CNTNAP5: variants seen among roughly 807,000 people sequenced by gnomAD.
CNTNAP5 encodes the protein contactin associated protein family member 5.
A neutral mutation model predicts 150.2 loss-of-function variants in CNTNAP5; 72 were observed. That is an observed-to-expected ratio of 0.48 (90% CI 0.40 to 0.58). CNTNAP5 has a LOEUF of 0.58. Among genes scored for constraint, CNTNAP5 ranks in the 20% least tolerant of loss-of-function variants. CNTNAP5 has a pLI of 0.00. For synonymous variants in CNTNAP5, 672 were observed against 619.8 expected (o/e 1.08, Z -1.25); for missense variants, 1,636 against 1,626.2 (o/e 1.01, Z -0.10).
At chr2:124,506,815 C>T in intron 8 of CNTNAP5, among the ~76,000 whole-genome samples, 1 of 152,074 alleles carries the variant, frequency 6.6e-6, no homozygotes. Context: ...CTCAGAGTCT[C>T]CCATAAGGTC....
intron 19 of CNTNAP5, among the ~76,000 whole-genome samples, chr2:124,862,870 G>A (rs984853557): frequency 1.3e-5 from 2 of 152,192 alleles, no homozygotes; most frequent in African/African-American, 4.8e-5. Flanking sequence ...TACTTTAAGA[G>A]GCACTGATTG....
chr2:124,445,688 A>G lies in CNTNAP5; in HGVS notation c.734-1065A>G, dbSNP rs182863040. 1.6e-4 allele frequency among the ~76,000 whole-genome samples: 24 copies of G among 152,314 alleles called. 1 individual carries two copies. Among genetic ancestry groups the G allele is most frequent in the Admixed American group, 1.6e-3 (24 of 15,306 alleles). Reference sequence around the variant, plus strand: ...GGGAAGTGGCAGCTACCGCCTGCTGAATGTCACACGGTTGAACAGGCTGCT... The same window carrying G: ...GGGAAGTGGCAGCTACCGCCTGCTGGATGTCACACGGTTGAACAGGCTGCT... On this transcript the variant is annotated intron_variant, in intron 5 of 23. Transcript: ENST00000682447.
chr2:124,745,274 T>C (rs1037765465), intron 13 of CNTNAP5, among the ~76,000 whole-genome samples: 31 of 152,312 alleles, frequency 2.0e-4, no homozygotes, highest in African/African-American at 7.2e-4. Context: ...ATAAACAAAG[T>C]ATCTCTTGCT....
At position 124,906,284 on chromosome 2, in the gene CNTNAP5, T is replaced by C. The variant is rs1194574916; in HGVS notation, c.3655+3184T>C. Among the ~76,000 whole-genome samples, 3 of 152,282 alleles carry C rather than the reference T, an allele frequency of 2.0e-5. No individual in the cohort carries two copies. The East Asian group carries it at 5.8e-4, about 29-fold the overall frequency. On this transcript the variant is annotated intron_variant, in intron 22 of 23. Transcript: ENST00000682447. Reference sequence around the variant, plus strand: ...ATGCTTTTTCTAAATCCATGGGATATATATTTTGTTCAGATTTTGCTGCTA... The same window carrying C: ...ATGCTTTTTCTAAATCCATGGGATACATATTTTGTTCAGATTTTGCTGCTA...
At chr2:124,231,019 G>T (rs1422163452) in intron 2 of CNTNAP5, among the ~76,000 whole-genome samples, 1 of 152,042 alleles carries the variant, frequency 6.6e-6, no homozygotes, top group Non-Finnish European at 1.5e-5. Context: ...CTTCCCAGTC[G>T]AATTGTGTAT....
intron 1 of CNTNAP5, among the ~76,000 whole-genome samples, chr2:124,045,324 A>T (rs567334348): frequency 7.0e-6 from 1 of 143,750 alleles, no homozygotes. Flanking sequence ...TTTGAGATGG[A>T]ATCTAGCTCT....
At chr2:124,812,962 A>C (rs149913597) in intron 19 of CNTNAP5, among the ~76,000 whole-genome samples, 2 of 152,206 alleles carry the variant, frequency 1.3e-5, no homozygotes, top group Non-Finnish European at 2.9e-5. Flanking sequence ...CCCTTACAAG[A>C]GCATTGGAGC....
intron 13 of CNTNAP5, among the ~76,000 whole-genome samples, chr2:124,741,053 G>A (rs919217993): frequency 6.6e-6 from 1 of 152,164 alleles, no homozygotes; most frequent in African/African-American, 2.4e-5. Flanking sequence ...TTGCTCATCA[G>A]TGCAGCAAAT....
intron 4 of CNTNAP5, among the ~76,000 whole-genome samples, chr2:124,419,958 T>TC (rs1692051159): frequency 7.7e-5 from 3 of 39,054 alleles, no homozygotes; most frequent in African/African-American, 3.2e-4. Context: ...CTTTCTTTCC[T>TC]TTTCTCTCTC....
At chr2:124,845,133 TTATGTAAAGG>T (rs1235975997) in intron 19 of CNTNAP5, among the ~76,000 whole-genome samples, 2 of 152,144 alleles carry the variant, frequency 1.3e-5, no homozygotes, top group East Asian at 3.9e-4. Context: ...ATGGCTTTTA[TTATGTAAAGG>T]TATGTCTCCT....
chr2:124,511,931 T>G (rs2104872885), intron 8 of CNTNAP5, among the ~76,000 whole-genome samples: 1 of 149,562 alleles, frequency 6.7e-6, no homozygotes, highest in Non-Finnish European at 1.5e-5. Flanking sequence ...GAATAGGGTT[T>G]TTTTTTTTTT....
At chr2:124,334,821 AT>A (rs940522757) in intron 3 of CNTNAP5, among the ~76,000 whole-genome samples, 10 of 149,930 alleles carry the variant, frequency 6.7e-5, no homozygotes, top group South Asian at 4.2e-4. Context: ...GAGTTGTCTA[AT>A]TTTTTTTTTC....
At chr2:124,370,723 G>C (rs1000706904) in intron 3 of CNTNAP5, among the ~76,000 whole-genome samples, 1 of 152,136 alleles carries the variant, frequency 6.6e-6, no homozygotes, top group African/African-American at 2.4e-5. Context: ...CTCTTGGCTG[G>C]AGATTGAGTG....
intron 8 of CNTNAP5, among the ~76,000 whole-genome samples, chr2:124,510,273 C>CTATATCTATATATATATATATCTA (rs1553474633): frequency 2.9e-5 from 1 of 33,918 alleles, no homozygotes; most frequent in African/African-American, 8.7e-5. Flanking sequence ...ATCTATATAT[C>CTATATCTATATATATATATATCTA]TATATCTATA....
intron 1 of CNTNAP5, among the ~76,000 whole-genome samples, chr2:124,088,105 A>T (rs888823259): frequency 6.6e-6 from 1 of 152,124 alleles, no homozygotes; most frequent in East Asian, 1.9e-4. Flanking sequence ...CCAGTCACTG[A>T]AGTTCTATTA....
chr2:124,250,222 C>T (rs368967800), intron 3 of CNTNAP5, among the ~76,000 whole-genome samples: 9 of 152,136 alleles, frequency 5.9e-5, no homozygotes, highest in East Asian at 1.9e-4. Flanking sequence ...TACTGGGCTC[C>T]GCCTGCAGAA....
At chr2:124,823,409 C>T (rs918769365) in intron 19 of CNTNAP5, among the ~76,000 whole-genome samples, 1 of 152,178 alleles carries the variant, frequency 6.6e-6, no homozygotes, top group Admixed American at 6.5e-5. Flanking sequence ...TTACCATTCA[C>T]ACATTTCACC....
At chr2:124,656,449 G>A (rs1678459692) in intron 13 of CNTNAP5, among the ~76,000 whole-genome samples, 1 of 152,184 alleles carries the variant, frequency 6.6e-6, no homozygotes, top group African/African-American at 2.4e-5. Context: ...AATCAAGCCA[G>A]TGCAATTTAC....
intron 19 of CNTNAP5, among the ~76,000 whole-genome samples, chr2:124,859,841 T>C (rs148878912): frequency 0.012 from 1,894 of 151,956 alleles, 33 homozygotes; most frequent in African/African-American, 0.041. Context: ...TTCTCACTCA[T>C]AGGTGGGAAT....
Sources: allele counts gnomAD v4.1 joint callset (sites outside exome capture counted in the v4.1 genomes callset), GRCh38; gene constraint gnomAD v4.1.1; transcripts MANE v1.5; gene names NCBI Gene and HGNC (gene_info 2026-07-23, HGNC 2026-07-21).